Variants in ARHGAP22 observed in about 807,000 individuals in gnomAD.
ARHGAP22 encodes rho GTPase-activating protein 22.
Under a neutral mutation model 59.1 loss-of-function variants are expected in ARHGAP22, and 48 were observed. The observed-to-expected ratio is 0.81, with a 90% CI of 0.64 to 1.03. ARHGAP22 has a LOEUF of 1.03. ARHGAP22 is among the 50% of genes least tolerant of loss of function. ARHGAP22 has a pLI of 0.00. For synonymous variants in ARHGAP22, 445 were observed against 416.4 expected, an observed-to-expected ratio of 1.07 and a Z score of -0.84; for missense variants, 1,015 against 958.7, an observed-to-expected ratio of 1.06 and a Z score of -0.78.
chr10:48,538,779 GA>G (rs2055617399), intron 3 of ARHGAP22, among the ~76,000 whole-genome samples: 1 of 152,162 alleles, frequency 6.6e-6, no homozygotes, highest in Non-Finnish European at 1.5e-5. Context: ...CATCATGATA[GA>G]AATCTTCACT....
At chr10:48,502,917 A>G (rs917978416) in intron 3 of ARHGAP22, among the ~76,000 whole-genome samples, 12 of 152,254 alleles carry the variant, frequency 7.9e-5, no homozygotes, top group Non-Finnish European at 1.6e-4. Context: ...AAAGCAGTCA[A>G]TGCTAGGAAG....
chr10:48,477,647 T>C (rs1051151631), intron 4 of ARHGAP22, among the ~76,000 whole-genome samples: 4 of 152,254 alleles, frequency 2.6e-5, no homozygotes, highest in Non-Finnish European at 5.9e-5. Flanking sequence ...TGAAACTGTC[T>C]TTTTCATTCA....
chr10:48,594,428 G>A (rs1413800158), intron 1 of ARHGAP22, among the ~76,000 whole-genome samples: 1 of 152,102 alleles, frequency 6.6e-6, no homozygotes, highest in Non-Finnish European at 1.5e-5. Context: ...TCACTCATGG[G>A]CCGAGCCCTG....
intron 4 of ARHGAP22, among the ~76,000 whole-genome samples, chr10:48,463,678 G>A (rs370955450): frequency 3.9e-5 from 6 of 152,168 alleles, no homozygotes; most frequent in East Asian, 1.9e-4. Flanking sequence ...TCCCTGCTAC[G>A]TGAGCTGCCC....
At chr10:48,457,398 G>A (rs1049426753) in intron 5 of ARHGAP22, among the ~76,000 whole-genome samples, 2 of 152,190 alleles carry the variant, frequency 1.3e-5, no homozygotes, top group Non-Finnish European at 2.9e-5. Flanking sequence ...CCTACCACTA[G>A]GCCCGGGACT....
intron 4 of ARHGAP22, among the ~76,000 whole-genome samples, chr10:48,462,195 G>A (rs1322924217): frequency 6.8e-6 from 1 of 147,966 alleles, no homozygotes; most frequent in Non-Finnish European, 1.5e-5. Flanking sequence ...ATAAACGTAT[G>A]TGCATATGTG....
At chr10:48,490,272 A>G (rs1490521300) in intron 3 of ARHGAP22, among the ~76,000 whole-genome samples, 1 of 152,074 alleles carries the variant, frequency 6.6e-6, no homozygotes, top group African/African-American at 2.4e-5. Context: ...TAAGTACAGG[A>G]TAGAGGGGGA....
At chr10:48,640,415 C>T (rs1426366019) in intron 1 of ARHGAP22, among the ~76,000 whole-genome samples, 1 of 152,124 alleles carries the variant, frequency 6.6e-6, no homozygotes, top group African/African-American at 2.4e-5. Context: ...ACAAAGAGAT[C>T]TATACCTCAG....
chr10:48,493,539 C>A (rs1181504279), intron 3 of ARHGAP22: 12 of 1,526,754 alleles, frequency 7.9e-6, no homozygotes, highest in Non-Finnish European at 1.1e-5. Flanking sequence ...GCCAGACACA[C>A]CTGTTGGGGT....
intron 1 of ARHGAP22, among the ~76,000 whole-genome samples, chr10:48,646,346 A>G (rs2062296978): frequency 6.6e-6 from 1 of 152,226 alleles, no homozygotes; most frequent in Non-Finnish European, 1.5e-5. Context: ...GCTAATTTGA[A>G]ATTTTATATA....
rs535899961 is a variant in ARHGAP22 at position 48,561,452 on chromosome 10, C to T, written c.235-5902G>A. Among the ~76,000 whole-genome samples, 6 of 152,156 alleles carry T rather than the reference C, an allele frequency of 3.9e-5. No homozygotes were observed. The South Asian group carries it at 1.2e-3, about 32-fold the overall frequency. On this transcript the variant is annotated intron_variant, in intron 2 of 9. Transcript: ENST00000249601. ...GGATTAGACAAAGAGTTCTTGGATA[C>T]AACATCAGAAGCTTGACTCAAAAAA...
chr10:48,581,074 C>T (rs1299719660), intron 2 of ARHGAP22, among the ~76,000 whole-genome samples: 1 of 152,168 alleles, frequency 6.6e-6, no homozygotes, highest in Non-Finnish European at 1.5e-5. Flanking sequence ...AGGGATCACA[C>T]ATGTACTCTG....
upstream of ARHGAP22, chr10:48,655,846 T>A (rs2062792036): frequency 6.6e-6 from 1 of 152,636 alleles, no homozygotes; most frequent in African/African-American, 2.4e-5. Flanking sequence ...CGCCCCGAGG[T>A]GGGCATCACG....
chr10:48,503,689 G>A (rs1457932980), intron 3 of ARHGAP22, among the ~76,000 whole-genome samples: 1 of 152,268 alleles, frequency 6.6e-6, no homozygotes, highest in Admixed American at 6.5e-5. Flanking sequence ...AGGCTGGTAA[G>A]TGATGGAACT....
At chr10:48,595,377 G>A (rs1347260458) in intron 1 of ARHGAP22, among the ~76,000 whole-genome samples, 1 of 152,180 alleles carries the variant, frequency 6.6e-6, no homozygotes, top group Non-Finnish European at 1.5e-5. Flanking sequence ...TCAAGTTAAT[G>A]CAATTTGCTG....
At chr10:48,434,548 A>T in the ARHGAP22 span, among the ~76,000 whole-genome samples, 3 of 152,060 alleles carry the variant, frequency 2.0e-5, no homozygotes, top group Admixed American at 6.5e-5. Context: ...ATGTATTATC[A>T]GCAGTATTCA....
chr10:48,604,681 C>T (rs1171081469), intron 1 of ARHGAP22, 82 bp downstream of exon 1: 83 of 1,607,010 alleles, frequency 5.2e-5, no homozygotes, highest in Non-Finnish European at 6.7e-5. Flanking sequence ...TGACACATGG[C>T]GTGACGGCTG....
intron 1 of ARHGAP22, among the ~76,000 whole-genome samples, chr10:48,645,723 C>T (rs2062266461): frequency 6.6e-6 from 1 of 152,074 alleles, no homozygotes; most frequent in South Asian, 2.1e-4. Context: ...GAATGCTTTC[C>T]CCTTAAAATA....
chr10:48,554,070 T>A (rs1271082719), intron 3 of ARHGAP22, among the ~76,000 whole-genome samples: 1 of 152,230 alleles, frequency 6.6e-6, no homozygotes, highest in Non-Finnish European at 1.5e-5. Flanking sequence ...ATCCCTTTGT[T>A]ACCACCTTCT....
Sources: gnomAD v4.1 joint callset for allele counts (sites outside exome capture counted in the v4.1 genomes callset) on GRCh38, gnomAD v4.1.1 for gene constraint, MANE v1.5 for transcripts, NCBI Gene and HGNC (gene_info 2026-07-23, HGNC 2026-07-21) for gene names.